PRIMPOL: variants seen among roughly 807,000 people sequenced by gnomAD.
PRIMPOL encodes the protein DNA-directed primase/polymerase protein.
A neutral mutation model predicts 63.6 loss-of-function variants in PRIMPOL; 54 were observed. That is an observed-to-expected ratio of 0.85 (90% CI 0.68 to 1.07). The LOEUF (loss-of-function observed/expected upper bound fraction) is 1.07, where lower values mean the gene tolerates loss of function less well. Ranked by LOEUF, PRIMPOL falls within the 50% of genes least tolerant of loss-of-function variation. The pLI is 0.00. For synonymous variants in PRIMPOL, 197 were observed against 220.2 expected, an observed-to-expected ratio of 0.89 and a Z score of 0.93; for missense variants, 610 against 648.3, an observed-to-expected ratio of 0.94 and a Z score of 0.64.
In PRIMPOL at chr4:184,673,118, G is replaced by C. The variant is rs1752267486; in HGVS notation, c.844+658G>C. Among the ~76,000 whole-genome samples, 5 of 139,198 alleles carry C rather than the reference G, an allele frequency of 3.6e-5. No homozygotes were observed. The South Asian group carries it at 1.2e-3, about 33-fold the overall frequency. 91.3% of individuals were successfully genotyped at this position (139,198 alleles called of 152,430 possible). ...TGTGATTTCAAAAGCCATGACAGCA[G>C]CAGGTTTTTTCTTTTTCTTTTTTTT... is the stretch of plus-strand genomic sequence containing the variant. On this transcript the variant is annotated intron_variant, in intron 7 of 13. Coordinates refer to ENST00000314970, the MANE Select transcript of PRIMPOL (RefSeq NM_152683.4).
chr4:184,670,545 ATTTTTTT>A (rs57234973), intron 6 of PRIMPOL, among the ~76,000 whole-genome samples: 1 of 136,682 alleles, frequency 7.3e-6, no homozygotes, highest in African/African-American at 2.7e-5. Flanking sequence ...TAGGAAAGTA[ATTTTTTT>A]TTTTTTTTTT....
chr4:184,652,121 G>C (rs1485412432), intron 2 of PRIMPOL, 21 bp downstream of exon 2: 1 of 152,320 alleles, frequency 6.6e-6, no homozygotes, highest in Non-Finnish European at 1.5e-5. Flanking sequence ...TGTGTGCTGG[G>C]TGCGGGGGGA....
At chr4:184,685,717 C>A in intron 11 of PRIMPOL, 33 bp downstream of exon 11, 2 of 919,360 alleles carry the variant, frequency 2.2e-6, no homozygotes, top group Non-Finnish European at 1.6e-6. Flanking sequence ...GTGTATTTAA[C>A]CAATATTATA....
At position 184,653,137 on chromosome 4, in the gene PRIMPOL, A is replaced by G. The variant is rs531819114; in HGVS notation, c.-60+1037A>G. On this transcript the variant is annotated intron_variant, in intron 2 of 13. Transcript: ENST00000314970. ...AGGAAGGTAGGTAGGTGAGAAAGAA[A>G]GAAACTGAGAGAACTAGGCTAGGAA... Among the ~76,000 whole-genome samples, 271 of 152,194 alleles carry G rather than the reference A, an allele frequency of 1.8e-3. 2 individuals are homozygous for G. Among genetic ancestry groups the G allele is most frequent in the Non-Finnish European group, 2.7e-3 (181 of 67,996 alleles).
intron 2 of PRIMPOL, among the ~76,000 whole-genome samples, chr4:184,654,017 A>G (rs142518441): frequency 4.6e-5 from 7 of 152,288 alleles, no homozygotes; most frequent in Admixed American, 6.5e-5. Context: ...CATATACTGA[A>G]CTTCTCTTTC....
Position 184,672,243 on chromosome 4 carries a change from A to T in PRIMPOL, c.627A>T (p.Pro209=), listed in dbSNP as rs1751987617. 6.2e-7 allele frequency: 1 copy of T among 1,614,014 alleles called. No homozygotes were observed. The highest frequency in any genetic ancestry group is 1.1e-5 in the South Asian group (1 of 91,084). The change falls in exon 7 of 14, where the codon CCA becomes CCT. Residue 209 remains proline, a synonymous_variant. Coordinates refer to ENST00000314970, the MANE Select transcript of PRIMPOL (RefSeq NM_152683.4). The stretch of plus-strand genomic sequence containing the variant: ...GCAGTGAAGATGATGATAGCGCTCC[A>T]GAGACAACAGGCCATGGATTTCCCC... ...LLGSEDDDSA[P]ETTGHGFPHF... is the part of the protein sequence containing the mutation.
At chr4:184,653,781 C>T (rs201621883) in intron 2 of PRIMPOL, among the ~76,000 whole-genome samples, 2 of 152,332 alleles carry the variant, frequency 1.3e-5, no homozygotes, top group East Asian at 1.9e-4. Context: ...ACTCTTTCAC[C>T]ACCGGGAATG....
chr4:184,693,561 C>T (rs1759582837), intron 13 of PRIMPOL, among the ~76,000 whole-genome samples: 1 of 152,082 alleles, frequency 6.6e-6, no homozygotes. Flanking sequence ...TTTTAAATTA[C>T]CAGTTGGTGT....
chr4:184,659,251 A>G lies in PRIMPOL; in HGVS notation c.181-89A>G, dbSNP rs532564393. ...ATTACAGTTTCTGAAAACTTGAATGAAAAATTCTTTATGAACATTCAGTAG... is the reference window on the plus strand; with the variant it reads ...ATTACAGTTTCTGAAAACTTGAATGGAAAATTCTTTATGAACATTCAGTAG... On this transcript the variant is annotated intron_variant, in intron 3 of 13. Coordinates refer to ENST00000314970, the MANE Select transcript of PRIMPOL (RefSeq NM_152683.4). The G allele has an allele frequency of 4.6e-4, 436 of 957,866 alleles. 4 individuals are homozygous for G. In the African/African-American group the frequency reaches 6.2e-3, roughly 14 times the overall value. The allele number at this position is 957,866 out of a possible 1,614,324, so 59.3% of individuals were successfully genotyped here.
chr4:184,663,276 C>T (rs1280705210), intron 5 of PRIMPOL, among the ~76,000 whole-genome samples: 1 of 151,978 alleles, frequency 6.6e-6, no homozygotes, highest in Non-Finnish European at 1.5e-5. Flanking sequence ...AACTCCTGGC[C>T]TCAAGTGATA....
At chr4:184,690,575 T>C (rs1292504549) in intron 11 of PRIMPOL, among the ~76,000 whole-genome samples, 2 of 152,174 alleles carry the variant, frequency 1.3e-5, no homozygotes. Flanking sequence ...TTCTCCTGCC[T>C]CAGCCTCCCA....
chr4:184,652,403 C>T (rs1166314122), intron 2 of PRIMPOL, among the ~76,000 whole-genome samples: 1 of 87,146 alleles, frequency 1.1e-5, no homozygotes, highest in Non-Finnish European at 3.0e-5. Context: ...AAAGGAGGAA[C>T]TGGAAAAAAA....
intron 1 of PRIMPOL, among the ~76,000 whole-genome samples, chr4:184,651,540 A>G (rs887047637): frequency 1.3e-5 from 2 of 152,306 alleles, no homozygotes; most frequent in East Asian, 1.9e-4. Context: ...ACTAGTCCTT[A>G]TCCTATTGTG....
chr4:184,661,234 TTAAA>T (rs1748221981), intron 4 of PRIMPOL, among the ~76,000 whole-genome samples: 1 of 152,206 alleles, frequency 6.6e-6, no homozygotes, highest in South Asian at 2.1e-4. Flanking sequence ...TATTTTCTAG[TTAAA>T]TAATGTTACA....
intron 9 of PRIMPOL, among the ~76,000 whole-genome samples, chr4:184,682,805 T>A (rs2150140517): frequency 6.6e-6 from 1 of 152,246 alleles, no homozygotes; most frequent in East Asian, 1.9e-4. Flanking sequence ...ATTCCAGCAC[T>A]TTGGGAGGCT....
chr4:184,685,488 C>T lies in PRIMPOL; in HGVS notation c.1176C>T (p.Gly392=). Residue 392 remains glycine, a synonymous_variant, in exon 10 of 14, where the codon GGC becomes GGT. Coordinates refer to ENST00000314970, the MANE Select transcript of PRIMPOL (RefSeq NM_152683.4). ...HFVLSLVNKD[G]IKGGIRRWNY... ...TTCTTTCTTTGGTGAATAAAGATGG[C>T]ATTAAAGGAGGTAAAGTTAATCTCA... The T allele has an allele frequency of 6.2e-7, 1 of 1,608,374 alleles. No individual in the cohort carries two copies. The highest frequency in any genetic ancestry group is 8.5e-7 in the Non-Finnish European group (1 of 1,174,818).
intron 9 of PRIMPOL, among the ~76,000 whole-genome samples, chr4:184,684,149 T>G (rs940671998): frequency 6.6e-6 from 1 of 152,154 alleles, no homozygotes; most frequent in African/African-American, 2.4e-5. Flanking sequence ...CAAACTAGAT[T>G]CTTGTCCTTA....
Position 184,654,086 on chromosome 4 carries a change from T to C in PRIMPOL, c.-60+1986T>C, listed in dbSNP as rs116321487. On this transcript the variant is annotated intron_variant, in intron 2 of 13. Transcript: ENST00000314970. ...AGTGAGTCTTAAGCTGTTTTTTCATTGTGACTCCATGATGTTCCTGTATGA... is the reference window on the plus strand; with the variant it reads ...AGTGAGTCTTAAGCTGTTTTTTCATCGTGACTCCATGATGTTCCTGTATGA... 7.5e-3 allele frequency among the ~76,000 whole-genome samples: 1,144 copies of C among 152,334 alleles called. 18 individuals carry two copies. The highest frequency in any genetic ancestry group is 0.026 in the African/African-American group (1,097 of 41,572).
chr4:184,692,606 T>A (rs1759046262), intron 13 of PRIMPOL, among the ~76,000 whole-genome samples: 5 of 151,112 alleles, frequency 3.3e-5, no homozygotes, highest in Admixed American at 3.3e-4. Context: ...CTTCGAGAAT[T>A]TATGTATGCT....
Sources: allele counts gnomAD v4.1 joint callset (sites outside exome capture counted in the v4.1 genomes callset), GRCh38; gene constraint gnomAD v4.1.1; transcripts MANE v1.5; gene names NCBI Gene and HGNC (gene_info 2026-07-23, HGNC 2026-07-21).